PHRF1: variants seen among roughly 807,000 people sequenced by gnomAD.
PHRF1 encodes the protein PHD and RING finger domain-containing protein 1.
In PHRF1, 53 loss-of-function variants were observed where a neutral mutation model predicts 128.9. The ratio of observed to expected loss-of-function variants is 0.41; its 90% CI spans 0.33 to 0.52. PHRF1 has a LOEUF of 0.52. PHRF1 is among the 20% of genes least tolerant of loss of function. The probability of loss-of-function intolerance (pLI) is 0.21; values close to 1 mark genes in which losing one functional copy is unlikely to be tolerated. For synonymous variants in PHRF1, 1,178 were observed against 980.6 expected (o/e 1.20, Z -3.76); for missense variants, 2,503 against 2,284.5 (o/e 1.10, Z -1.95).
chr11:591,517 C>T (rs754998414), intron 5 of PHRF1, 50 bp downstream of exon 5: 2 of 1,443,070 alleles, frequency 1.4e-6, no homozygotes, highest in East Asian at 5.0e-5. Context: ...CTATCCCGGC[C>T]CTGTGGGACA....
chr11:610,636 C>T lies in PHRF1; in HGVS notation c.4552C>T (p.Leu1518=), dbSNP rs1157463296. The T allele has an allele frequency of 1.2e-6, 2 of 1,605,232 alleles. No homozygotes were observed. The highest frequency in any genetic ancestry group is 1.1e-5 in the South Asian group (1 of 91,082). Residue 1518 remains leucine, a synonymous_variant, in exon 16 of 18, where the codon CTG becomes TTG. Coordinates refer to ENST00000264555, the MANE Select transcript of PHRF1 (RefSeq NM_001286581.2). ...AGTGGGCTGTGGGGCAGCACAGACC[C>T]TGGCCCCAGTGCCCGCTGCCCTGAC... is the stretch of plus-strand genomic sequence containing the variant. ...PLVGCGAAQT[L]APVPAALTPA...
chr11:608,858 G>C lies in PHRF1; in HGVS notation c.3402G>C (p.Arg1134Ser), dbSNP rs1273413484. The part of the protein sequence containing the change: ...SPTSSLERLC[R>S]HKHQRERSHE... ...CCAGCAGCCTGGAGAGGCTCTGCAG[G>C]CACAAGCATCAGCGGGAACGCAGCC... Residue 1134 changes from arginine (R) to serine (S), a missense_variant, in exon 14 of 18, where the codon AGG becomes AGC. By Grantham distance (110) the Arg-to-Ser change is moderately radical. Transcript: ENST00000264555. The C allele has an allele frequency of 6.2e-7, 1 of 1,612,232 alleles. No individual in the cohort carries two copies. The highest frequency in any genetic ancestry group is 1.3e-5 in the African/African-American group (1 of 74,882).
At chr11:585,044 GT>G (rs1360090344) in intron 3 of PHRF1, among the ~76,000 whole-genome samples, 2 of 152,138 alleles carry the variant, frequency 1.3e-5, no homozygotes, top group African/African-American at 2.4e-5. Context: ...GGCCAGGACT[GT>G]TTTTTAAACA....
At chr11:577,760 G>T (rs974170925) in intron 1 of PHRF1, among the ~76,000 whole-genome samples, 3 of 152,274 alleles carry the variant, frequency 2.0e-5, no homozygotes, top group Non-Finnish European at 4.4e-5. Context: ...CCTGGGATGG[G>T]CACTCAGGTG....
chr11:579,736 A>G (rs118042921), intron 1 of PHRF1, among the ~76,000 whole-genome samples: 2,476 of 152,296 alleles, frequency 0.016, 35 homozygotes, highest in Admixed American at 0.027. Flanking sequence ...GTTAATTACT[A>G]ATTTGGCAAA....
chr11:600,932 T>G (rs923494825), intron 9 of PHRF1, among the ~76,000 whole-genome samples: 2 of 150,406 alleles, frequency 1.3e-5, no homozygotes, highest in African/African-American at 4.9e-5. Flanking sequence ...CGCCACTGCA[T>G]TCCAGCCTGG....
chr11:597,595 G>A lies in PHRF1; in HGVS notation c.894+25G>A. On this transcript the variant is annotated intron_variant, in intron 8 of 17. Transcript: ENST00000264555. The surrounding 1 kb of genome is among the most constrained non-coding windows in gnomAD (Gnocchi z 6.5). ...GGTGGGTGGCCCAGCCCTGACGCCA[G>A]TCGTAGAACCCCAGCTGCCCAGAGT... 1.3e-6 allele frequency: 2 copies of A among 1,597,670 alleles called. No individual in the cohort carries two copies. The highest frequency in any genetic ancestry group is 1.7e-6 in the Non-Finnish European group (2 of 1,173,252).
Position 592,136 on chromosome 11 carries a change from C to T in PHRF1, c.505-423C>T, listed in dbSNP as rs187132299. Among the ~76,000 whole-genome samples, 649 of 152,004 alleles carry T rather than the reference C, an allele frequency of 4.3e-3. 7 individuals are homozygous for T. Among genetic ancestry groups the T allele is most frequent in the African/African-American group, 0.014 (600 of 41,420 alleles). ...TTCACTGTGTTAGCCAGGATGGTCT[C>T]GATCTCCTGACCTCGTGATCCACCC... On this transcript the variant is annotated intron_variant, in intron 5 of 17. Coordinates refer to ENST00000264555, the MANE Select transcript of PHRF1 (RefSeq NM_001286581.2).
At chr11:599,307 G>A (rs970810765) in intron 9 of PHRF1, among the ~76,000 whole-genome samples, 6 of 132,648 alleles carry the variant, frequency 4.5e-5, no homozygotes, top group Non-Finnish European at 9.2e-5. Flanking sequence ...CTGGAGTGCA[G>A]TGGCATGATC....
At chr11:586,176 A>G (rs1457826004) in intron 3 of PHRF1, among the ~76,000 whole-genome samples, 2 of 151,638 alleles carry the variant, frequency 1.3e-5, no homozygotes, top group Admixed American at 6.6e-5. Flanking sequence ...TTGTACTTTT[A>G]GTAGAGACGG....
At chr11:581,679 T>C (rs1854212347) in intron 2 of PHRF1, 73 bp downstream of exon 2, 2 of 1,355,156 alleles carry the variant, frequency 1.5e-6, no homozygotes, top group Non-Finnish European at 1.0e-6. Flanking sequence ...TTGGAGGTCG[T>C]CTGTGTGTGT....
At chr11:591,675 A>G (rs1854979554) in intron 5 of PHRF1, among the ~76,000 whole-genome samples, 1 of 152,200 alleles carries the variant, frequency 6.6e-6, no homozygotes, top group Non-Finnish European at 1.5e-5. Flanking sequence ...AGATATTGCC[A>G]GCTCCTGGGA....
chr11:607,304 G>T lies in PHRF1; in HGVS notation c.1848G>T (p.Leu616Phe), dbSNP rs1303412758. 1 of 1,612,716 alleles carries T rather than the reference G, an allele frequency of 6.2e-7. No homozygotes were observed. The highest frequency in any genetic ancestry group is 1.1e-5 in the South Asian group (1 of 91,090). The change falls in exon 14 of 18, where the codon TTG becomes TTT. Residue 616 changes from leucine to phenylalanine, a missense_variant. Transcript: ENST00000264555. Reference sequence around the variant, plus strand: ...CTGGGGCGGTTCAGGCTCGGAACTTGTCAAATGGGAGTGTGCCTGGCTTCA... The same window carrying T: ...CTGGGGCGGTTCAGGCTCGGAACTTTTCAAATGGGAGTGTGCCTGGCTTCA... The part of the protein sequence containing the change: ...AAPGAVQARN[L>F]SNGSVPGFRQ...
intron 2 of PHRF1, among the ~76,000 whole-genome samples, 167 bp downstream of exon 2, chr11:581,773 C>T (rs578050632): frequency 6.6e-6 from 1 of 152,250 alleles, no homozygotes; most frequent in Non-Finnish European, 1.5e-5. Context: ...ATTTTTAATG[C>T]AAACAACACA....
At chr11:580,089 C>T (rs771481260) in intron 1 of PHRF1, among the ~76,000 whole-genome samples, 9 of 152,146 alleles carry the variant, frequency 5.9e-5, no homozygotes, top group Non-Finnish European at 1.0e-4. Flanking sequence ...GATGCGCTTT[C>T]CTCTGATCAT....
intron 6 of PHRF1, among the ~76,000 whole-genome samples, chr11:595,959 C>T (rs1268909998): frequency 6.6e-6 from 1 of 152,222 alleles, no homozygotes; most frequent in Non-Finnish European, 1.5e-5. Context: ...TTCCTGCATG[C>T]CTGTCTCCTG....
Sources: gnomAD v4.1 joint callset for allele counts (sites outside exome capture counted in the v4.1 genomes callset) on GRCh38, gnomAD v4.1.1 for gene constraint, Gnocchi (gnomAD v3.1) non-coding constraint, MANE v1.5 for transcripts, NCBI Gene and HGNC (gene_info 2026-07-23, HGNC 2026-07-21) for gene names.